The following PDHX variants were observed in gnomAD, a reference collection of about 807,000 sequenced individuals.
PDHX encodes the protein pyruvate dehydrogenase protein X component, mitochondrial.
In PDHX, 33 loss-of-function variants were observed where a neutral mutation model predicts 55.3. The ratio of observed to expected loss-of-function variants is 0.60; its 90% CI spans 0.45 to 0.80. The LOEUF (loss-of-function observed/expected upper bound fraction) is 0.80, where lower values mean the gene tolerates loss of function less well. Ranked by LOEUF, PDHX falls within the 30% of genes least tolerant of loss-of-function variation. The pLI is 0.00. For missense variants in PDHX, 622 were observed against 619.9 expected (o/e 1.00, Z -0.04); for synonymous variants, 226 against 219.4 (o/e 1.03, Z -0.27).
At chr11:34,952,259 G>C (rs1429351396) in intron 3 of PDHX, among the ~76,000 whole-genome samples, 1 of 151,920 alleles carries the variant, frequency 6.6e-6, no homozygotes, top group Admixed American at 6.6e-5. Flanking sequence ...TCTACCAGAG[G>C]TACAAGGAGG....
chr11:34,968,497 T>G (rs1403209194), intron 6 of PDHX, among the ~76,000 whole-genome samples: 1 of 152,176 alleles, frequency 6.6e-6, no homozygotes, highest in Non-Finnish European at 1.5e-5. Flanking sequence ...GAATTAGATA[T>G]AATTTAAAAT....
rs1172633284 is a variant in PDHX at position 34,995,184 on chromosome 11, A to G, written c.*12A>G. 1 of 1,613,470 alleles carries G rather than the reference A, an allele frequency of 6.2e-7. No homozygotes were observed. The highest frequency in any genetic ancestry group is 1.7e-5 in the Admixed American group (1 of 60,004). On this transcript the variant is annotated 3_prime_UTR_variant, in exon 11 of 11. Coordinates refer to ENST00000227868, the MANE Select transcript of PDHX (RefSeq NM_003477.3). ...TCCGACTTGCCTAGTCCTCAAAGATAAGAAGTTGGTGTTCAGCTTAGTTGA... is the reference window on the plus strand; with the variant it reads ...TCCGACTTGCCTAGTCCTCAAAGATGAGAAGTTGGTGTTCAGCTTAGTTGA...
At chr11:34,934,009 A>G (rs952625127) in intron 2 of PDHX, among the ~76,000 whole-genome samples, 6 of 152,214 alleles carry the variant, frequency 3.9e-5, no homozygotes, top group African/African-American at 1.4e-4. Context: ...GAAAGACTCA[A>G]GCATTTTTCT....
intron 8 of PDHX, among the ~76,000 whole-genome samples, chr11:34,980,648 G>A (rs567586445): frequency 6.6e-6 from 1 of 152,156 alleles, no homozygotes; most frequent in African/African-American, 2.4e-5. Flanking sequence ...TGTTGAATGA[G>A]TGAAGGAACT....
intron 2 of PDHX, among the ~76,000 whole-genome samples, chr11:34,931,706 T>TA (rs1156929752): frequency 6.6e-6 from 1 of 152,104 alleles, no homozygotes; most frequent in Non-Finnish European, 1.5e-5. Context: ...CACAGAATGG[T>TA]AAAAAATATT....
Position 34,995,462 on chromosome 11 carries a change from C to A in PDHX, c.*290C>A. On this transcript the variant is annotated 3_prime_UTR_variant, in exon 11 of 11. Coordinates refer to ENST00000227868, the MANE Select transcript of PDHX (RefSeq NM_003477.3). The stretch of plus-strand genomic sequence containing the variant: ...AGGGAATATTAAACTAGATGTAAAT[C>A]AAAGTATATGTTTGGCTCATTTGAG... 5.3e-6 allele frequency: 2 copies of A among 377,710 alleles called. No individual in the cohort carries two copies. Among genetic ancestry groups the A allele is most frequent in the South Asian group, 4.7e-5 (2 of 42,970 alleles). 23.4% of individuals were successfully genotyped at this position (377,710 alleles called of 1,614,324 possible).
At chr11:34,927,757 A>G (rs1854057934) in intron 1 of PDHX, among the ~76,000 whole-genome samples, 1 of 152,110 alleles carries the variant, frequency 6.6e-6, no homozygotes, top group Non-Finnish European at 1.5e-5. Context: ...ACTACAAAAT[A>G]TATTGCACAT....
chr11:34,987,422 G>A (rs1855669316), intron 9 of PDHX, among the ~76,000 whole-genome samples: 1 of 152,028 alleles, frequency 6.6e-6, no homozygotes, highest in Admixed American at 6.6e-5. Context: ...TGAGAAACAG[G>A]CACCTTGCAT....
At chr11:34,962,688 C>T (rs1243328332) in intron 5 of PDHX, among the ~76,000 whole-genome samples, 3 of 152,062 alleles carry the variant, frequency 2.0e-5, no homozygotes, top group African/African-American at 7.2e-5. Context: ...TGGGAAAAGT[C>T]AAGGATGGTA....
intron 3 of PDHX, among the ~76,000 whole-genome samples, chr11:34,953,119 G>A (rs948380852): frequency 2.6e-5 from 4 of 151,862 alleles, no homozygotes; most frequent in African/African-American, 9.7e-5. Context: ...AAATACTTAG[G>A]AATCCAACTT....
intron 3 of PDHX, among the ~76,000 whole-genome samples, chr11:34,949,296 T>TG (rs1397820381): frequency 7.7e-6 from 1 of 129,184 alleles, no homozygotes; most frequent in African/African-American, 4.0e-5. Context: ...TTGCCCAGGC[T>TG]GGACACGATC....
intron 2 of PDHX, among the ~76,000 whole-genome samples, chr11:34,945,774 A>G (rs992871108): frequency 6.6e-6 from 1 of 152,196 alleles, no homozygotes; most frequent in African/African-American, 2.4e-5. Flanking sequence ...CATAAACTTT[A>G]GGCTCAATTA....
chr11:34,962,522 T>C (rs1167679592), intron 5 of PDHX, among the ~76,000 whole-genome samples: 1 of 152,190 alleles, frequency 6.6e-6, no homozygotes, highest in African/African-American at 2.4e-5. Context: ...AGAAGCCATG[T>C]AGGTATTGGG....
chr11:34,917,029 C>T (rs527883667), intron 1 of PDHX, among the ~76,000 whole-genome samples: 2 of 152,062 alleles, frequency 1.3e-5, no homozygotes, highest in South Asian at 2.1e-4. Context: ...GCCCTAGGCC[C>T]CCTGGTTTGT....
intron 6 of PDHX, among the ~76,000 whole-genome samples, chr11:34,969,264 TTCA>T (rs1047718190): frequency 5.3e-5 from 8 of 152,216 alleles, no homozygotes; most frequent in African/African-American, 1.7e-4. Context: ...AGAGTGTCAC[TTCA>T]TCATAAGTCA....
chr11:34,953,569 G>T (rs1854831072), intron 3 of PDHX, among the ~76,000 whole-genome samples: 1 of 152,184 alleles, frequency 6.6e-6, no homozygotes, highest in African/African-American at 2.4e-5. Flanking sequence ...AAGCTAAATT[G>T]TTACATCCAC....
At chr11:34,988,011 G>A (rs181228891) in intron 9 of PDHX, among the ~76,000 whole-genome samples, 56 of 152,168 alleles carry the variant, frequency 3.7e-4, no homozygotes, top group Admixed American at 1.8e-3. Context: ...TTTGAGTCTC[G>A]TCAGTATTTC....
At chr11:34,937,495 T>G (rs1854361763) in intron 2 of PDHX, among the ~76,000 whole-genome samples, 1 of 144,336 alleles carries the variant, frequency 6.9e-6, no homozygotes, top group African/African-American at 2.6e-5. Context: ...GGAAGGGAAA[T>G]CAAGAATCAG....
chr11:34,981,000 T>C (rs1438538080), intron 8 of PDHX, among the ~76,000 whole-genome samples: 1 of 152,160 alleles, frequency 6.6e-6, no homozygotes, highest in Non-Finnish European at 1.5e-5. Context: ...TGAAATCTTT[T>C]TTTTTATTAT....
Sources: gnomAD v4.1 joint callset for allele counts (sites outside exome capture counted in the v4.1 genomes callset) on GRCh38, gnomAD v4.1.1 for gene constraint, MANE v1.5 for transcripts, NCBI Gene and HGNC (gene_info 2026-07-23, HGNC 2026-07-21) for gene names.